The following ETV1 variants were observed in gnomAD, a reference collection of about 807,000 sequenced individuals.
The protein encoded by ETV1 is ETS translocation variant 1.
A neutral mutation model predicts 62.3 loss-of-function variants in ETV1; 27 were observed. That is an observed-to-expected ratio of 0.43 (90% CI 0.32 to 0.60). ETV1 has a LOEUF of 0.60. ETV1 is among the 20% of genes least tolerant of loss of function. The pLI, the probability that ETV1 is intolerant of heterozygous loss-of-function variation, is 0.06. For synonymous variants in ETV1, 222 were observed against 199.6 expected, an observed-to-expected ratio of 1.11 and a Z score of -0.94; for missense variants, 605 against 605.8, an observed-to-expected ratio of 1.00 and a Z score of 0.01.
intron 8 of ETV1, 41 bp from the exon 9 acceptor site, chr7:13,931,790 TG>T: frequency 6.2e-7 from 1 of 1,602,090 alleles, no homozygotes; most frequent in Non-Finnish European, 8.5e-7. Context: ...AACGGTAACA[TG>T]GAACATTCTT....
At chr7:13,920,070 C>T (rs892113887) in intron 9 of ETV1, among the ~76,000 whole-genome samples, 1 of 152,100 alleles carries the variant, frequency 6.6e-6, no homozygotes, top group East Asian at 1.9e-4. Flanking sequence ...AAAAGTCCCA[C>T]CCTATAAAAG....
At position 13,911,313 on chromosome 7, in the gene ETV1, A is replaced by T. The variant is rs754146711; in HGVS notation, c.803-6T>A. 1 of 1,607,338 alleles carries T rather than the reference A, an allele frequency of 6.2e-7. No individual in the cohort carries two copies. Among genetic ancestry groups the T allele is most frequent in the South Asian group, 1.1e-5 (1 of 90,494 alleles). On this transcript the variant is annotated splice_polypyrimidine_tract_variant and splice_region_variant and intron_variant, in intron 9 of 13. Coordinates refer to ENST00000430479, the MANE Select transcript of ETV1 (RefSeq NM_004956.5). Reference sequence around the variant, plus strand: ...GGAGTGGCAGCTAGGCACTTCTGAAAGAGGAAACAATATTGGTCAAAAAGA... The same window carrying T: ...GGAGTGGCAGCTAGGCACTTCTGAATGAGGAAACAATATTGGTCAAAAAGA...
chr7:13,914,618 TAAAA>T (rs77923443), intron 9 of ETV1, among the ~76,000 whole-genome samples: 2 of 118,974 alleles, frequency 1.7e-5, no homozygotes, highest in Admixed American at 8.5e-5. Flanking sequence ...GACAAGAAAC[TAAAA>T]AAAAAAAAAA....
chr7:13,961,418 T>C (rs1583810292), intron 6 of ETV1, among the ~76,000 whole-genome samples: 1 of 152,154 alleles, frequency 6.6e-6, no homozygotes, highest in East Asian at 1.9e-4. Context: ...AAGGGTCCTG[T>C]GGATTCATTT....
intron 6 of ETV1, among the ~76,000 whole-genome samples, chr7:13,962,376 A>G (rs1005368733): frequency 1.3e-5 from 2 of 151,936 alleles, no homozygotes; most frequent in African/African-American, 2.4e-5. Context: ...CCAATGTCCT[A>G]CTCTTATACA....
At chr7:13,960,569 T>C (rs920873905) in intron 6 of ETV1, among the ~76,000 whole-genome samples, 8 of 152,120 alleles carry the variant, frequency 5.3e-5, no homozygotes, top group African/African-American at 1.9e-4. Context: ...GATTTAAACC[T>C]ACTCCAATCT....
chr7:13,954,213 T>A (rs2128475145), intron 6 of ETV1, among the ~76,000 whole-genome samples: 1 of 152,334 alleles, frequency 6.6e-6, no homozygotes, highest in South Asian at 2.1e-4. Flanking sequence ...CCAGCAGTAT[T>A]TTAAAGGCAA....
chr7:13,899,799 A>C (rs1012993339), intron 13 of ETV1, among the ~76,000 whole-genome samples: 1 of 152,172 alleles, frequency 6.6e-6, no homozygotes, highest in Non-Finnish European at 1.5e-5. Context: ...TTTTATTTTA[A>C]GTGTAATTCA....
chr7:13,919,184 G>A (rs1487847593), intron 9 of ETV1, among the ~76,000 whole-genome samples: 4 of 152,106 alleles, frequency 2.6e-5, no homozygotes, highest in Admixed American at 2.6e-4. Flanking sequence ...ACTAAAAGAT[G>A]AGAGTTATTT....
intron 5 of ETV1, among the ~76,000 whole-genome samples, chr7:13,985,880 G>T (rs1281964998): frequency 6.6e-6 from 1 of 152,058 alleles, no homozygotes; most frequent in African/African-American, 2.4e-5. Context: ...AGTTGCATAC[G>T]ATAAAAGATA....
chr7:13,894,370 C>CA lies in ETV1; in HGVS notation c.*1495dup. On this transcript the variant is annotated 3_prime_UTR_variant, in exon 14 of 14. Coordinates refer to ENST00000430479, the MANE Select transcript of ETV1 (RefSeq NM_004956.5). ...CTCCAAATGCAAAGCAAAAACAGAA[C>CA]AAAAAACTTTGAAACTTTAAATCTT... is the stretch of plus-strand genomic sequence containing the variant. The CA allele has an allele frequency of 4.3e-6, 1 of 231,790 alleles. No homozygotes were observed. The highest frequency in any genetic ancestry group is 8.6e-6 in the Non-Finnish European group (1 of 116,954). 14.4% of individuals were successfully genotyped at this position (231,790 alleles called of 1,614,324 possible).
chr7:13,928,453 A>G (rs1785692613), intron 9 of ETV1, among the ~76,000 whole-genome samples: 1 of 151,980 alleles, frequency 6.6e-6, no homozygotes, highest in South Asian at 2.1e-4. Flanking sequence ...TGTCTCTACT[A>G]AAAATACAAA....
intron 6 of ETV1, among the ~76,000 whole-genome samples, chr7:13,975,519 C>T (rs1554315343): frequency 7.0e-6 from 1 of 142,738 alleles, no homozygotes; most frequent in Non-Finnish European, 1.5e-5. Context: ...GCCAAGATTG[C>T]ACCACTGCAC....
intron 6 of ETV1, among the ~76,000 whole-genome samples, chr7:13,954,651 A>T (rs1349395969): frequency 6.6e-6 from 1 of 152,174 alleles, no homozygotes; most frequent in African/African-American, 2.4e-5. Flanking sequence ...TGTATGTAAA[A>T]AGGATCTGTA....
At chr7:13,911,070 CTACTTG>C (rs759729738) in intron 10 of ETV1, among the ~76,000 whole-genome samples, 163 bp downstream of exon 10, 1 of 152,208 alleles carries the variant, frequency 6.6e-6, no homozygotes, top group Non-Finnish European at 1.5e-5. Context: ...CAAGATACCA[CTACTTG>C]AAACATCTTC....
rs1175308054 is a variant in ETV1, at chr7:13,989,079, C to T, written c.-27G>A. On this transcript the variant is annotated 5_prime_UTR_variant, in exon 3 of 14. Transcript: ENST00000430479. ...CTGCTGCTCTTCGCAAATCTCAGCT[C>T]AGTATTTTATATTTTGAGCATTTAG... is the stretch of plus-strand genomic sequence containing the variant. 6.5e-7 allele frequency: 1 copy of T among 1,540,990 alleles called. No homozygotes were observed. Among genetic ancestry groups the T allele is most frequent in the Non-Finnish European group, 8.7e-7 (1 of 1,148,260 alleles).
intron 8 of ETV1, among the ~76,000 whole-genome samples, chr7:13,932,012 G>A (rs1377214846): frequency 6.6e-6 from 1 of 150,688 alleles, no homozygotes; most frequent in African/African-American, 2.5e-5. Flanking sequence ...AAGGATTGGA[G>A]AGCAATGAAA....
chr7:13,928,458 T>C (rs1174176403), intron 9 of ETV1, among the ~76,000 whole-genome samples: 1 of 151,432 alleles, frequency 6.6e-6, no homozygotes, highest in African/African-American at 2.4e-5. Context: ...CTACTAAAAA[T>C]ACAAAATTAG....
intron 5 of ETV1, among the ~76,000 whole-genome samples, chr7:13,984,542 C>A (rs1191875932): frequency 6.6e-6 from 1 of 151,880 alleles, no homozygotes; most frequent in Non-Finnish European, 1.5e-5. Flanking sequence ...AGGTTTTAAA[C>A]ATCACGTTAA....
Sources: allele counts gnomAD v4.1 joint callset (sites outside exome capture counted in the v4.1 genomes callset), GRCh38; gene constraint gnomAD v4.1.1; transcripts MANE v1.5; gene names NCBI Gene and HGNC (gene_info 2026-07-23, HGNC 2026-07-21).